DDX60L: variants seen among roughly 807,000 people sequenced by gnomAD.
DDX60L encodes the protein probable ATP-dependent RNA helicase DDX60-like.
In DDX60L, 191 loss-of-function variants were observed where a neutral mutation model predicts 211.6. That is an observed-to-expected ratio of 0.90 (90% CI 0.80 to 1.02). The LOEUF is 1.02. Among genes scored for constraint, DDX60L ranks in the 50% least tolerant of loss-of-function variants. The pLI is 0.00. For synonymous variants in DDX60L, 706 were observed against 694.1 expected, an observed-to-expected ratio of 1.02 and a Z score of -0.27; for missense variants, 2,007 against 1,984.1, an observed-to-expected ratio of 1.01 and a Z score of -0.22.
chr4:168,455,293 T>C (rs1047373749), intron 7 of DDX60L, among the ~76,000 whole-genome samples: 1 of 151,670 alleles, frequency 6.6e-6, no homozygotes, highest in Admixed American at 6.6e-5. Flanking sequence ...TGTGTGTGTG[T>C]GTGTGTGTAC....
In DDX60L at chr4:168,375,519, G is replaced by A; in HGVS notation, c.4491C>T (p.Ile1497=). ...TAAAATCCTCCGGGAGTTCGGCAAG[G>A]ATCACCTATGGGCGAAATACATTTC... The part of the protein sequence containing the change: ...ANLSFSQSKV[I]LAELPEDFKA... Residue 1497 remains isoleucine, a synonymous_variant, in exon 34 of 38, where the codon ATC becomes ATT. Transcript: ENST00000682922. 3 of 1,607,178 alleles carry A rather than the reference G, an allele frequency of 1.9e-6. No individual in the cohort carries two copies. Among genetic ancestry groups the A allele is most frequent in the Non-Finnish European group, 2.5e-6 (3 of 1,177,334 alleles).
intron 5 of DDX60L, among the ~76,000 whole-genome samples, chr4:168,458,529 T>C (rs955169183): frequency 1.3e-5 from 2 of 152,108 alleles, no homozygotes; most frequent in African/African-American, 4.8e-5. Context: ...TCGAAGCCAT[T>C]ATCCTCAGCA....
intron 28 of DDX60L, among the ~76,000 whole-genome samples, chr4:168,393,223 T>C (rs1361079047): frequency 2.0e-5 from 3 of 152,192 alleles, no homozygotes; most frequent in African/African-American, 7.2e-5. Flanking sequence ...TGGCTGGGCA[T>C]GGTGGCTCAC....
Position 168,461,999 on chromosome 4 carries a change from T to G in DDX60L, c.306A>C (p.Ser102=). 6.2e-7 allele frequency: 1 copy of G among 1,611,092 alleles called. No individual in the cohort carries two copies. The highest frequency in any genetic ancestry group is 2.2e-5 in the East Asian group (1 of 44,810). ...GGTGGAGAATTAAAGCGGTCCTCAATGAAAGAAGTTCAGGAAAATCAAAAT... is the reference window on the plus strand; with the variant it reads ...GGTGGAGAATTAAAGCGGTCCTCAAGGAAAGAAGTTCAGGAAAATCAAAAT... ...YAYFDFPELL[S]LRTALILHLQ... is the part of the protein sequence containing the mutation. Residue 102 remains serine, a synonymous_variant, in exon 5 of 38, where the codon TCA becomes TCC. Coordinates refer to ENST00000682922, the MANE Select transcript of DDX60L (RefSeq NM_001012967.3).
At chr4:168,369,653 A>C (rs1057076288) in intron 36 of DDX60L, among the ~76,000 whole-genome samples, 6 of 152,110 alleles carry the variant, frequency 3.9e-5, no homozygotes, top group Non-Finnish European at 8.8e-5. Flanking sequence ...ATAACCTATA[A>C]GATGGGAGAA....
chr4:168,392,110 CA>C (rs1265252817), intron 28 of DDX60L, among the ~76,000 whole-genome samples: 1 of 152,164 alleles, frequency 6.6e-6, no homozygotes, highest in Non-Finnish European at 1.5e-5. Flanking sequence ...GAATGAACAA[CA>C]AGCATACAAA....
intron 22 of DDX60L, among the ~76,000 whole-genome samples, chr4:168,410,154 T>C (rs1748437077): frequency 6.6e-6 from 1 of 152,060 alleles, no homozygotes; most frequent in Non-Finnish European, 1.5e-5. Context: ...AAGCAAAAAA[T>C]TATAACAGCA....
intron 8 of DDX60L, among the ~76,000 whole-genome samples, chr4:168,451,176 G>A (rs1755758639): frequency 6.6e-6 from 1 of 151,902 alleles, no homozygotes; most frequent in African/African-American, 2.4e-5. Context: ...GAATATCTCT[G>A]GACCCTGAAC....
At chr4:168,445,052 G>A (rs1754544345) in intron 9 of DDX60L, among the ~76,000 whole-genome samples, 7 of 92,626 alleles carry the variant, frequency 7.6e-5, no homozygotes, top group Non-Finnish European at 1.3e-4. Flanking sequence ...AGGAAATAGA[G>A]ACACAAAAAA....
chr4:168,376,355 A>C (rs1741947317), intron 33 of DDX60L, among the ~76,000 whole-genome samples: 1 of 152,216 alleles, frequency 6.6e-6, no homozygotes. Flanking sequence ...AAAGAGACTA[A>C]AATGGGGCAC....
intron 36 of DDX60L, among the ~76,000 whole-genome samples, chr4:168,370,303 G>A (rs184950112): frequency 2.3e-3 from 344 of 152,234 alleles, no homozygotes; most frequent in Non-Finnish European, 3.5e-3. Context: ...ATTATGTTAA[G>A]TGAAATAATC....
At position 168,435,284 on chromosome 4, in the gene DDX60L, G is replaced by A. The variant is rs188695798; in HGVS notation, c.1295-2169C>T. On this transcript the variant is annotated intron_variant, in intron 10 of 37. Coordinates refer to ENST00000682922, the MANE Select transcript of DDX60L (RefSeq NM_001012967.3). ...AGGTTGGTTCCCTGACCTGTGGAAC[G>A]AGGGCTTATGGAAGCCACTAGAACT... Among the ~76,000 whole-genome samples the A allele has an allele frequency of 1.0e-3, 152 of 152,300 alleles. 1 individual carries two copies. The highest frequency in any genetic ancestry group is 2.1e-3 in the Admixed American group (32 of 15,298).
At chr4:168,411,382 C>T (rs1177375928) in intron 22 of DDX60L, among the ~76,000 whole-genome samples, 1 of 152,196 alleles carries the variant, frequency 6.6e-6, no homozygotes, top group African/African-American at 2.4e-5. Context: ...GCAGTGGCCA[C>T]ATGGCATGCA....
At chr4:168,458,084 CAAATCA>C in intron 5 of DDX60L, 76 bp from the exon 6 acceptor site, 1 of 810,824 alleles carries the variant, frequency 1.2e-6, no homozygotes, top group East Asian at 2.7e-5. Flanking sequence ...ACACTTGAGG[CAAATCA>C]AAACCACAAT....
chr4:168,404,670 A>T (rs1259521064), intron 24 of DDX60L, among the ~76,000 whole-genome samples: 1 of 152,194 alleles, frequency 6.6e-6, no homozygotes, highest in African/African-American at 2.4e-5. Flanking sequence ...TATTGTTGAA[A>T]TTGTGGATAG....
intron 29 of DDX60L, among the ~76,000 whole-genome samples, chr4:168,385,473 G>T (rs780592034): frequency 2.0e-5 from 3 of 152,090 alleles, no homozygotes; most frequent in Non-Finnish European, 4.4e-5. Flanking sequence ...AGTTCCATGA[G>T]CCACTCTAGA....
chr4:168,474,038 G>C (rs555670049), intron 1 of DDX60L, among the ~76,000 whole-genome samples: 18 of 152,284 alleles, frequency 1.2e-4, no homozygotes, highest in African/African-American at 4.1e-4. Flanking sequence ...CTGCACTTGG[G>C]GGTGGGAGTA....
intron 9 of DDX60L, among the ~76,000 whole-genome samples, chr4:168,446,624 C>T (rs13137394): frequency 6.6e-6 from 1 of 151,186 alleles, no homozygotes; most frequent in African/African-American, 2.4e-5. Flanking sequence ...TACCTGACTT[C>T]AAACTATACT....
intron 36 of DDX60L, among the ~76,000 whole-genome samples, chr4:168,370,286 G>A (rs1264473744): frequency 6.6e-6 from 1 of 152,080 alleles, no homozygotes; most frequent in Non-Finnish European, 1.5e-5. Flanking sequence ...GAATCAATCT[G>A]GAGGACATTA....
Sources: gnomAD v4.1 joint callset for allele counts (sites outside exome capture counted in the v4.1 genomes callset) on GRCh38, gnomAD v4.1.1 for gene constraint, MANE v1.5 for transcripts, NCBI Gene and HGNC (gene_info 2026-07-23, HGNC 2026-07-21) for gene names.